The following HIPK3 variants were observed in gnomAD, a reference collection of about 807,000 sequenced individuals.
HIPK3 encodes the protein homeodomain interacting protein kinase 3.
HIPK3 carries 47 observed loss-of-function variants against 124.2 expected under a neutral mutation model. That is an observed-to-expected ratio of 0.38 (90% confidence interval 0.30 to 0.48). HIPK3 has a LOEUF of 0.48. HIPK3 is among the 20% of genes least tolerant of loss of function. The probability of loss-of-function intolerance (pLI) is 0.98; values close to 1 mark genes in which losing one functional copy is unlikely to be tolerated. For synonymous variants in HIPK3, 482 were observed against 515.2 expected (o/e 0.94, Z 0.87); for missense variants, 1,286 against 1,454.3 (o/e 0.88, Z 1.88).
At position 33,339,249 on chromosome 11, in the gene HIPK3, TC is replaced by T. The variant is rs1853255687; in HGVS notation, c.1429-100del. 6 of 785,888 alleles carry T rather than the reference TC, an allele frequency of 7.6e-6. No individual in the cohort carries two copies. In the East Asian group the frequency reaches 1.5e-4, roughly 19 times the overall value. The allele number at this position is 785,888 out of a possible 1,614,324, so 48.7% of individuals were successfully genotyped here. ...TTAAGATAATTGTAGTTCCCTCTCCTCTCCTGTGTTGTGATTTTTGTTTTAT... is the reference window on the plus strand; with the variant it reads ...TTAAGATAATTGTAGTTCCCTCTCCTTCCTGTGTTGTGATTTTTGTTTTAT... On this transcript the variant is annotated intron_variant, in intron 5 of 16. Coordinates refer to ENST00000303296, the MANE Select transcript of HIPK3 (RefSeq NM_005734.5).
chr11:33,272,541 G>A (rs573924897), intron 1 of HIPK3, among the ~76,000 whole-genome samples: 300 of 152,206 alleles, frequency 2.0e-3, no homozygotes, highest in Non-Finnish European at 3.1e-3. Flanking sequence ...GAGACCTGTT[G>A]CAAGTTTCTG....
At chr11:33,265,232 TAAG>T (rs1850921849) in intron 1 of HIPK3, among the ~76,000 whole-genome samples, 1 of 152,202 alleles carries the variant, frequency 6.6e-6, no homozygotes, top group Non-Finnish European at 1.5e-5. Context: ...CAAAGCCAAA[TAAG>T]AATGTTTTGG....
At chr11:33,330,718 A>G in intron 3 of HIPK3, among the ~76,000 whole-genome samples, 1 of 152,082 alleles carries the variant, frequency 6.6e-6, no homozygotes. Flanking sequence ...TTTTGGCCCT[A>G]ATCTGGGACT....
chr11:33,353,083 TGTGGATAGGTTCAGCAC>T lies in HIPK3; in HGVS notation c.3172-8_3180del. ...TATTCAGTCATTTTTTTTTTTTCTT[TGTGGATAGGTTCAGCAC>T]TTTGGATCTGGGCATCAAGAGTGGA... On this transcript the variant is annotated splice_acceptor_variant and splice_polypyrimidine_tract_variant and coding_sequence_variant and intron_variant, in exon 17 of 17. Coordinates refer to ENST00000303296, the MANE Select transcript of HIPK3 (RefSeq NM_005734.5). LOFTEE classifies it high-confidence loss of function. 6.5e-7 allele frequency: 1 copy of T among 1,532,164 alleles called. No individual in the cohort carries two copies. The highest frequency in any genetic ancestry group is 2.1e-5 in the Admixed American group (1 of 48,576). 94.9% of individuals were successfully genotyped at this position (1,532,164 alleles called of 1,614,324 possible).
At chr11:33,278,251 C>T (rs1260534936) in intron 1 of HIPK3, among the ~76,000 whole-genome samples, 1 of 152,022 alleles carries the variant, frequency 6.6e-6, no homozygotes, top group African/African-American at 2.4e-5. Context: ...TGTTAATTTT[C>T]TATCTATAAT....
intron 2 of HIPK3, among the ~76,000 whole-genome samples, chr11:33,301,703 T>G (rs1475622549): frequency 1.3e-5 from 2 of 151,410 alleles, no homozygotes; most frequent in Non-Finnish European, 2.9e-5. Flanking sequence ...AGGATCTACC[T>G]GTCAGCTATC....
At chr11:33,335,121 A>T (rs184436633) in intron 3 of HIPK3, among the ~76,000 whole-genome samples, 28 of 152,334 alleles carry the variant, frequency 1.8e-4, no homozygotes, top group Admixed American at 1.8e-3. Context: ...ATACATTAGG[A>T]TTAGCAGATC....
At position 33,347,174 on chromosome 11, in the gene HIPK3, T is replaced by G; in HGVS notation, c.1898-119T>G. The G allele has an allele frequency of 9.8e-6, 9 of 917,624 alleles. No homozygotes were observed. The South Asian group carries it at 1.6e-4, about 16-fold the overall frequency. The allele number at this position is 917,624 out of a possible 1,614,324, so 56.8% of individuals were successfully genotyped here. On this transcript the variant is annotated intron_variant, in intron 8 of 16. Coordinates refer to ENST00000303296, the MANE Select transcript of HIPK3 (RefSeq NM_005734.5). Reference sequence around the variant, plus strand: ...CAGTCTGGGCAACAGAGCGAGGCCCTGTCTCAAAAAAAAAAAAAATCTGTC... The same window carrying G: ...CAGTCTGGGCAACAGAGCGAGGCCCGGTCTCAAAAAAAAAAAAAATCTGTC...
At position 33,307,755 on chromosome 11, in the gene HIPK3, GGT is replaced by G. The variant is rs150805766; in HGVS notation, c.1097+20268_1097+20269del. On this transcript the variant is annotated intron_variant, in intron 2 of 16. Coordinates refer to ENST00000303296, the MANE Select transcript of HIPK3 (RefSeq NM_005734.5). ...TGTGCTTGGTTGTTTTATTCTTGTT[GGT>G]GTGTGTGTGTGTGTGTGTGTGTGAG... is the stretch of plus-strand genomic sequence containing the variant. Among the ~76,000 whole-genome samples the G allele has an allele frequency of 1.4e-3, 201 of 145,330 alleles. 1 individual carries two copies. Among genetic ancestry groups the G allele is most frequent in the South Asian group, 3.9e-3 (18 of 4,604 alleles).
intron 3 of HIPK3, among the ~76,000 whole-genome samples, chr11:33,336,792 C>T (rs1853162186): frequency 6.6e-6 from 1 of 152,198 alleles, no homozygotes; most frequent in African/African-American, 2.4e-5. Flanking sequence ...TCAGTGCAAA[C>T]TCCTATTTGT....
At chr11:33,350,257 T>A (rs1290705720) in intron 14 of HIPK3, among the ~76,000 whole-genome samples, 1 of 152,196 alleles carries the variant, frequency 6.6e-6, no homozygotes, top group East Asian at 1.9e-4. Flanking sequence ...CATTGGTGAC[T>A]GATTTGCATG....
chr11:33,295,033 C>T (rs934635402), intron 2 of HIPK3, among the ~76,000 whole-genome samples: 6 of 152,026 alleles, frequency 3.9e-5, no homozygotes, highest in Admixed American at 1.3e-4. Context: ...GTCGCCCCTT[C>T]CCCCCCAGCG....
rs1260241710 is a variant in HIPK3, at chr11:33,287,438, G to A, written c.1024G>A (p.Val342Ile). 6.2e-7 allele frequency: 1 copy of A among 1,614,022 alleles called. No homozygotes were observed. The highest frequency in any genetic ancestry group is 8.5e-7 in the Non-Finnish European group (1 of 1,180,036). ...DPVRQPYRVK[V>I]IDFGSASHVS... The stretch of plus-strand genomic sequence containing the variant: ...TGTTCGGCAGCCTTACAGGGTTAAA[G>A]TAATAGACTTTGGGTCGGCCAGTCA... The change falls in exon 2 of 17, where the codon GTA becomes ATA. Residue 342 changes from valine to isoleucine, a missense_variant. By Grantham distance (29) the Val-to-Ile change is conservative. Transcript: ENST00000303296.
At chr11:33,269,240 T>G (rs1178845906) in intron 1 of HIPK3, among the ~76,000 whole-genome samples, 1 of 152,200 alleles carries the variant, frequency 6.6e-6, no homozygotes, top group Non-Finnish European at 1.5e-5. Context: ...TTCTAACAGA[T>G]GAGTCGCTTT....
intron 1 of HIPK3, among the ~76,000 whole-genome samples, chr11:33,268,739 G>A (rs1327365468): frequency 6.6e-6 from 1 of 152,044 alleles, no homozygotes; most frequent in African/African-American, 2.4e-5. Flanking sequence ...AGCCTAGTGT[G>A]GCATTTCTGA....
intron 2 of HIPK3, among the ~76,000 whole-genome samples, chr11:33,300,440 A>G (rs1590375259): frequency 6.6e-6 from 1 of 152,130 alleles, no homozygotes; most frequent in Non-Finnish European, 1.5e-5. Flanking sequence ...GAGACCCTCC[A>G]CCAGCCAACC....
intron 1 of HIPK3, among the ~76,000 whole-genome samples, chr11:33,265,772 CAAAA>C (rs55837408): frequency 1.9e-4 from 12 of 64,786 alleles, no homozygotes; most frequent in Admixed American, 1.1e-3. Context: ...GACCTTGTCT[CAAAA>C]AAAAAAAAAA....
At chr11:33,278,626 C>G (rs370844099) in intron 1 of HIPK3, among the ~76,000 whole-genome samples, 1 of 152,020 alleles carries the variant, frequency 6.6e-6, no homozygotes, top group Non-Finnish European at 1.5e-5. Flanking sequence ...TTAAGATACA[C>G]GAGGTCAGGA....
At chr11:33,305,150 G>T (rs1590380546) in intron 2 of HIPK3, among the ~76,000 whole-genome samples, 1 of 151,960 alleles carries the variant, frequency 6.6e-6, no homozygotes, top group Admixed American at 6.6e-5. Context: ...ACAGGCTTGC[G>T]CCACCATGCC....
Sources: allele counts gnomAD v4.1 joint callset (sites outside exome capture counted in the v4.1 genomes callset), GRCh38; gene constraint gnomAD v4.1.1; transcripts MANE v1.5; gene names NCBI Gene and HGNC (gene_info 2026-07-23, HGNC 2026-07-21).